The following FXYD5 variants were observed in gnomAD, a reference collection of about 807,000 sequenced individuals.
The protein encoded by FXYD5 is FXYD domain-containing ion transport regulator 5.
A neutral mutation model predicts 25.7 loss-of-function variants in FXYD5; 21 were observed. The observed-to-expected ratio is 0.82, with a 90% confidence interval of 0.58 to 1.18. The LOEUF (loss-of-function observed/expected upper bound fraction) is 1.18, where lower values mean the gene tolerates loss of function less well. FXYD5 is among the 50% of genes most tolerant of loss of function. The pLI is 0.00. For synonymous variants in FXYD5, 101 were observed against 90.7 expected, an observed-to-expected ratio of 1.11 and a Z score of -0.64; for missense variants, 229 against 227.7, an observed-to-expected ratio of 1.01 and a Z score of -0.04.
intron 8 of FXYD5, among the ~76,000 whole-genome samples, chr19:35,167,395 T>C (rs2145430862): frequency 6.6e-6 from 1 of 152,184 alleles, no homozygotes; most frequent in South Asian, 2.1e-4. Context: ...GCCTCACTTG[T>C]GACCAAACCA....
intron 8 of FXYD5, among the ~76,000 whole-genome samples, chr19:35,168,449 T>G (rs531126455): frequency 6.6e-6 from 1 of 152,034 alleles, no homozygotes; most frequent in Non-Finnish European, 1.5e-5. Context: ...GAGCAGCAAG[T>G]GCCAAGCCCT....
chr19:35,157,066 C>G (rs2065362434), intron 2 of FXYD5: 1 of 222,134 alleles, frequency 4.5e-6, no homozygotes, highest in Admixed American at 5.4e-5. Context: ...CCCTGCTTTG[C>G]AGATGAAGCA....
chr19:35,163,334 T>C (rs1262131153), intron 5 of FXYD5, among the ~76,000 whole-genome samples: 1 of 151,842 alleles, frequency 6.6e-6, no homozygotes, highest in Non-Finnish European at 1.5e-5. Flanking sequence ...GCTGGCTTCT[T>C]GTTGAGGCCT....
chr19:35,166,673 C>A, intron 8 of FXYD5: 1 of 379,392 alleles, frequency 2.6e-6, no homozygotes, highest in Non-Finnish European at 4.7e-6. Context: ...CTAGCCTGGG[C>A]TTGTTCGCAT....
At chr19:35,163,081 C>T (rs1196593651) in intron 5 of FXYD5, among the ~76,000 whole-genome samples, 1 of 152,206 alleles carries the variant, frequency 6.6e-6, no homozygotes, top group Non-Finnish European at 1.5e-5. Flanking sequence ...GGCAATACAG[C>T]CAAGAGTGGC....
At position 35,169,713 on chromosome 19, in the gene FXYD5, C is replaced by A; in HGVS notation, c.*98C>A. ...AGCCTCCTGCATCCCCTCGAAGAGC[C>A]TGGCCAGAGAGGGAAGACACAGATG... On this transcript the variant is annotated 3_prime_UTR_variant, in exon 9 of 9. Transcript: ENST00000392219. 1.3e-6 allele frequency: 1 copy of A among 797,456 alleles called. No individual in the cohort carries two copies. The highest frequency in any genetic ancestry group is 1.7e-5 in the African/African-American group (1 of 59,112). The allele number at this position is 797,456 out of a possible 1,614,324, so 49.4% of individuals were successfully genotyped here. A position where few individuals can be genotyped will look rare whatever the true frequency, so the allele number is the denominator to read the frequency against.
intron 1 of FXYD5, chr19:35,155,049 A>C: frequency 5.7e-6 from 1 of 175,696 alleles, no homozygotes; most frequent in Non-Finnish European, 1.2e-5. Flanking sequence ...CCAGCGCGCC[A>C]TCCCTGCAAG....
intron 2 of FXYD5, among the ~76,000 whole-genome samples, chr19:35,156,231 G>A (rs2065354488): frequency 6.6e-6 from 1 of 152,188 alleles, no homozygotes; most frequent in Non-Finnish European, 1.5e-5. Context: ...GAGGAGCTGA[G>A]AAAACAACTG....
rs1314278981 is a variant in FXYD5, at chr19:35,164,053, A to G, written c.293-103A>G. ...CTGACCCTGCACACCAGCTGTGTAG[A>G]TGTGGGAGAGGGGTTTCTTCCAGAT... On this transcript the variant is annotated intron_variant, in intron 5 of 8. Coordinates refer to ENST00000392219, the MANE Select transcript of FXYD5 (RefSeq NM_014164.6). 3.2e-6 allele frequency: 5 copies of G among 1,582,944 alleles called. No individual in the cohort carries two copies. In the Admixed American group the frequency reaches 9.1e-5, roughly 29 times the overall value.
intron 5 of FXYD5, 34 bp from the exon 6 acceptor site, chr19:35,164,122 C>T (rs758624526): frequency 1.9e-6 from 3 of 1,613,530 alleles, no homozygotes; most frequent in South Asian, 2.2e-5. Context: ...CCATGGCTCA[C>T]TCCTGCCCTC....
At chr19:35,156,060 G>A (rs376765817) in intron 2 of FXYD5, among the ~76,000 whole-genome samples, 1 of 152,224 alleles carries the variant, frequency 6.6e-6, no homozygotes, top group African/African-American at 2.4e-5. Context: ...GGAACCACAG[G>A]GGGGTATTGA....
Position 35,164,163 on chromosome 19 carries a change from C to A in FXYD5, c.300C>A (p.Pro100=), listed in dbSNP as rs1212779437. ...ATCTGGCCACTCTCTCAGCTCATCC[C>A]ACTGATGACACCACGACGCTCTCTG... ...ETHKSTKAAH[P]TDDTTTLSER... Residue 100 remains proline (P), a synonymous_variant, in exon 6 of 9, where the codon CCC becomes CCA. Transcript: ENST00000392219. 6.2e-7 allele frequency: 1 copy of A among 1,613,662 alleles called. No individual in the cohort carries two copies. Among genetic ancestry groups the A allele is most frequent in the Non-Finnish European group, 8.5e-7 (1 of 1,179,940 alleles).
At chr19:35,159,384 T>G in intron 4 of FXYD5, 297 of 1,310,026 alleles carry the variant, frequency 2.3e-4, no homozygotes, top group Non-Finnish European at 2.8e-4. Flanking sequence ...TGTGTTTGTG[T>G]GAGCTTAAGG....
chr19:35,164,015 G>A, intron 5 of FXYD5, 141 bp from the exon 6 acceptor site: 1 of 1,527,890 alleles, frequency 6.5e-7, no homozygotes, highest in Non-Finnish European at 8.8e-7. Context: ...TAGGTGTGGA[G>A]TAGGGGGGAT....
At chr19:35,160,961 C>G (rs1055098983) in intron 5 of FXYD5, among the ~76,000 whole-genome samples, 160 bp downstream of exon 5, 1 of 152,046 alleles carries the variant, frequency 6.6e-6, no homozygotes, top group Non-Finnish European at 1.5e-5. Flanking sequence ...TTTGGGGAAC[C>G]CTGAGTTAAA....
intron 1 of FXYD5, 148 bp from the exon 2 acceptor site, chr19:35,155,403 C>A (rs2065343766): frequency 2.9e-6 from 2 of 682,748 alleles, no homozygotes; most frequent in Non-Finnish European, 5.3e-6. Flanking sequence ...CCCCTTTCCC[C>A]TGAGGCCAGC....
At chr19:35,163,946 C>A in intron 5 of FXYD5, 1 of 1,435,866 alleles carries the variant, frequency 7.0e-7, no homozygotes, top group Non-Finnish European at 9.2e-7. Flanking sequence ...ATCAGATAGT[C>A]GCAACCGGGG....
At chr19:35,164,351 G>A in intron 6 of FXYD5, 106 bp downstream of exon 6, 1 of 1,154,916 alleles carries the variant, frequency 8.7e-7, no homozygotes, top group Non-Finnish European at 1.2e-6. Context: ...GTAAAGACGT[G>A]ATGGGAAAGT....
intron 4 of FXYD5, chr19:35,159,730 C>A (rs969012779): frequency 1.4e-6 from 2 of 1,380,248 alleles, no homozygotes; most frequent in Non-Finnish European, 1.9e-6. Context: ...CCCTAAGAGG[C>A]AGAAATTACC....
Sources: allele counts gnomAD v4.1 joint callset (sites outside exome capture counted in the v4.1 genomes callset), GRCh38; gene constraint gnomAD v4.1.1; transcripts MANE v1.5; gene names NCBI Gene and HGNC (gene_info 2026-07-23, HGNC 2026-07-21).